The following LRP1B variants were observed in gnomAD, a reference collection of about 807,000 sequenced individuals.
The protein encoded by LRP1B is LDL receptor related protein 1B, also known as low-density lipoprotein receptor-related protein 1B.
A neutral mutation model predicts 556.6 loss-of-function variants in LRP1B; 217 were observed. The observed-to-expected ratio is 0.39, with a 90% CI of 0.35 to 0.44. The LOEUF (loss-of-function observed/expected upper bound fraction) is 0.44. LRP1B is among the 20% of genes least tolerant of loss of function. LRP1B has a pLI of 1.00. For missense variants in LRP1B, 5,053 were observed against 5,620.8 expected, an observed-to-expected ratio of 0.90 and a Z score of 3.23; for synonymous variants, 2,047 against 1,865.8, an observed-to-expected ratio of 1.10 and a Z score of -2.50.
At position 141,013,704 on chromosome 2, in the gene LRP1B, C is replaced by A; in HGVS notation, c.2232G>T (p.Leu744=). ...SGRELNHPFG[L]SHHGNYVFWT... ...AGAACACATAATTTCCATGATGCGA[C>A]AGTCCGAAAGGGTGGTTCAACTCTC... Residue 744 remains leucine (L), a synonymous_variant, in exon 14 of 91, where the codon CTG becomes CTT. Coordinates refer to ENST00000389484, the MANE Select transcript of LRP1B (RefSeq NM_018557.3). 6.2e-7 allele frequency: 1 copy of A among 1,602,072 alleles called. No individual in the cohort carries two copies. The highest frequency in any genetic ancestry group is 8.5e-7 in the Non-Finnish European group (1 of 1,174,646).
Position 141,456,716 on chromosome 2 carries a change from G to A in LRP1B, c.343+23680C>T, listed in dbSNP as rs902161119. On this transcript the variant is annotated intron_variant, in intron 3 of 90. Transcript: ENST00000389484. ...AAATGCCTGGGCTGAGCTTCAAAAG[G>A]TAAGTAAGCATTTTTCTGGTGGATG... Among the ~76,000 whole-genome samples the A allele has an allele frequency of 2.6e-5, 4 of 152,196 alleles. No individual in the cohort carries two copies. In the South Asian group the frequency reaches 8.3e-4, roughly 31 times the overall value.
intron 7 of LRP1B, among the ~76,000 whole-genome samples, chr2:141,145,250 T>A (rs1701751564): frequency 6.6e-6 from 1 of 152,136 alleles, no homozygotes; most frequent in African/African-American, 2.4e-5. Context: ...TAATATTTAA[T>A]AACTGAAAAT....
chr2:140,947,216 G>T (rs966966577), intron 20 of LRP1B, among the ~76,000 whole-genome samples: 2 of 152,124 alleles, frequency 1.3e-5, no homozygotes, highest in Non-Finnish European at 2.9e-5. Flanking sequence ...ATTTTAGAGA[G>T]AATACATATT....
intron 12 of LRP1B, among the ~76,000 whole-genome samples, chr2:141,017,951 A>T (rs992471954): frequency 2.0e-5 from 3 of 151,786 alleles, no homozygotes; most frequent in African/African-American, 7.3e-5. Context: ...TCGTGAGCCA[A>T]GATCATACCA....
intron 67 of LRP1B, 98 bp from the exon 68 acceptor site, chr2:140,378,384 AAG>A (rs1157543962): frequency 6.7e-5 from 43 of 643,058 alleles, no homozygotes; most frequent in South Asian, 5.7e-4. Context: ...AAGAAAAAAA[AAG>A]AGGTTAGTCA....
chr2:141,576,338 A>C (rs1686741984), intron 2 of LRP1B, among the ~76,000 whole-genome samples: 1 of 152,204 alleles, frequency 6.6e-6, no homozygotes, highest in Non-Finnish European at 1.5e-5. Context: ...GTAACACATA[A>C]GTTTCTGTGA....
chr2:141,612,642 TA>T (rs1334035364), intron 2 of LRP1B, among the ~76,000 whole-genome samples: 1 of 152,220 alleles, frequency 6.6e-6, no homozygotes, highest in Non-Finnish European at 1.5e-5. Context: ...GTGTGATATG[TA>T]AAAGAAAGAG....
rs1178470530 is a variant in LRP1B at position 140,886,271 on chromosome 2, T to C, written c.3831A>G (p.Lys1277=). Residue 1277 remains lysine, a synonymous_variant, in exon 24 of 91, where the codon AAA becomes AAG. Coordinates refer to ENST00000389484, the MANE Select transcript of LRP1B (RefSeq NM_018557.3). The stretch of plus-strand genomic sequence containing the variant: ...CAGGAACAAGTAGACTATAGTCTCT[T>C]TTGTGAAGATCAATCCTTCTGATCT... The part of the protein sequence containing the change: ...RHEIRRIDLH[K]RDYSLLVPGL... 1.9e-6 allele frequency: 3 copies of C among 1,609,646 alleles called. No homozygotes were observed. The highest frequency in any genetic ancestry group is 1.3e-5 in the African/African-American group (1 of 74,856).
At chr2:141,476,003 T>C (rs1172950485) in intron 3 of LRP1B, among the ~76,000 whole-genome samples, 1 of 152,184 alleles carries the variant, frequency 6.6e-6, no homozygotes. Context: ...CATCTGCAGA[T>C]GGCAGAGCTA....
At chr2:140,870,137 A>G (rs532012861) in intron 25 of LRP1B, among the ~76,000 whole-genome samples, 48 of 152,130 alleles carry the variant, frequency 3.2e-4, no homozygotes, top group African/African-American at 1.0e-3. Context: ...TGATTAAACA[A>G]CAAAGACAAA....
intron 2 of LRP1B, among the ~76,000 whole-genome samples, chr2:141,809,781 T>G (rs1248733345): frequency 2.0e-5 from 3 of 152,028 alleles, no homozygotes; most frequent in Non-Finnish European, 4.4e-5. Context: ...GTTCAATTAT[T>G]TGTGTACTGC....
intron 60 of LRP1B, among the ~76,000 whole-genome samples, 162 bp from the exon 61 acceptor site, chr2:140,457,813 G>C (rs1305150264): frequency 6.6e-6 from 1 of 152,070 alleles, no homozygotes; most frequent in East Asian, 1.9e-4. Context: ...CCAGTTAAGA[G>C]AATGCAGGAT....
At chr2:141,139,826 A>G (rs995264835) in intron 7 of LRP1B, among the ~76,000 whole-genome samples, 1 of 148,968 alleles carries the variant, frequency 6.7e-6, no homozygotes, top group Non-Finnish European at 1.5e-5. Flanking sequence ...TGTGTATCAC[A>G]TAACCTATCC....
chr2:140,286,268 G>C (rs950786110), intron 84 of LRP1B, among the ~76,000 whole-genome samples: 5 of 151,754 alleles, frequency 3.3e-5, no homozygotes, highest in African/African-American at 9.7e-5. Flanking sequence ...ATAAATATTG[G>C]ATCATCCAAG....
intron 1 of LRP1B, among the ~76,000 whole-genome samples, chr2:141,896,923 G>T (rs1022796857): frequency 1.3e-5 from 2 of 152,058 alleles, no homozygotes; most frequent in Non-Finnish European, 2.9e-5. Context: ...TTGATAAGTT[G>T]ATACCTGTCA....
intron 11 of LRP1B, among the ~76,000 whole-genome samples, chr2:141,028,616 G>T (rs150587388): frequency 6.6e-6 from 1 of 151,864 alleles, no homozygotes. Context: ...ATGACTTTTC[G>T]AATGATCAAA....
At chr2:141,388,392 C>A (rs775971225) in intron 3 of LRP1B, among the ~76,000 whole-genome samples, 4 of 152,010 alleles carry the variant, frequency 2.6e-5, no homozygotes, top group African/African-American at 7.2e-5. Flanking sequence ...GCCAAGATGG[C>A]GCCACTGCAC....
At chr2:141,041,163 T>TA (rs1264795311) in intron 11 of LRP1B, among the ~76,000 whole-genome samples, 1 of 152,096 alleles carries the variant, frequency 6.6e-6, no homozygotes, top group Non-Finnish European at 1.5e-5. Flanking sequence ...CATGTGCACC[T>TA]ACTCCTTATG....
intron 1 of LRP1B, among the ~76,000 whole-genome samples, chr2:142,128,319 C>T (rs1004172276): frequency 2.0e-5 from 3 of 152,132 alleles, no homozygotes; most frequent in Non-Finnish European, 4.4e-5. Context: ...TGTGAATTCT[C>T]ATTTTTTGTC....
Sources: gnomAD v4.1 joint callset for allele counts (sites outside exome capture counted in the v4.1 genomes callset) on GRCh38, gnomAD v4.1.1 for gene constraint, MANE v1.5 for transcripts, NCBI Gene and HGNC (gene_info 2026-07-23, HGNC 2026-07-21) for gene names.